Variants in GABRG3 observed in about 807,000 individuals in gnomAD.
GABRG3 encodes gamma-aminobutyric acid type A receptor subunit gamma3, also known as gamma-aminobutyric acid receptor subunit gamma-3.
GABRG3 carries 25 observed loss-of-function variants against 48.8 expected under a neutral mutation model. The observed-to-expected ratio is 0.51, with a 90% CI of 0.37 to 0.72. The LOEUF (loss-of-function observed/expected upper bound fraction) is 0.72, where lower values mean the gene tolerates loss of function less well. GABRG3 is among the 30% of genes least tolerant of loss of function. GABRG3 has a pLI of 0.00. For missense variants in GABRG3, 394 were observed against 577.9 expected (o/e 0.68, Z 3.26); for synonymous variants, 227 against 217.6 (o/e 1.04, Z -0.38).
chr15:27,074,632 A>G (rs1454539047), intron 3 of GABRG3, among the ~76,000 whole-genome samples: 1 of 150,476 alleles, frequency 6.6e-6, no homozygotes, highest in Non-Finnish European at 1.5e-5. Flanking sequence ...AATATATTCC[A>G]TAGCATTTAC....
chr15:27,063,831 C>T (rs910645937), intron 3 of GABRG3, among the ~76,000 whole-genome samples: 7 of 152,176 alleles, frequency 4.6e-5, no homozygotes, highest in Admixed American at 3.9e-4. Flanking sequence ...GAATGAGCAA[C>T]ACAAGCTGTT....
At chr15:27,251,874 C>T (rs116840327) in intron 3 of GABRG3, among the ~76,000 whole-genome samples, 240 of 152,268 alleles carry the variant, frequency 1.6e-3, no homozygotes, top group African/African-American at 5.5e-3. Flanking sequence ...CTGCCTCTGC[C>T]GCCTCTGATA....
chr15:26,993,131 A>G (rs574037099), intron 2 of GABRG3, among the ~76,000 whole-genome samples: 1 of 151,686 alleles, frequency 6.6e-6, no homozygotes, highest in Admixed American at 6.6e-5. Flanking sequence ...AGGTTTGTCA[A>G]TTTTGTTTAT....
intron 3 of GABRG3, among the ~76,000 whole-genome samples, chr15:27,316,387 CAAA>C (rs749930128): frequency 2.4e-5 from 1 of 41,662 alleles, no homozygotes; most frequent in Non-Finnish European, 5.4e-5. Context: ...GACTCCGTCT[CAAA>C]AAAAAAAAAA....
At chr15:27,461,437 C>T (rs1337700813) in intron 5 of GABRG3, among the ~76,000 whole-genome samples, 1 of 152,156 alleles carries the variant, frequency 6.6e-6, no homozygotes, top group Admixed American at 6.5e-5. Flanking sequence ...AAGAATGAAG[C>T]CTCGGACCCT....
intron 6 of GABRG3, among the ~76,000 whole-genome samples, chr15:27,515,732 A>G (rs1235842935): frequency 2.0e-5 from 3 of 152,220 alleles, no homozygotes; most frequent in African/African-American, 7.2e-5. Context: ...TGGCATGAGT[A>G]AATAATGGTT....
intron 5 of GABRG3, among the ~76,000 whole-genome samples, chr15:27,423,721 C>CTTTTTTT (rs542775399): frequency 3.9e-4 from 32 of 81,782 alleles, no homozygotes; most frequent in East Asian, 7.2e-4. Flanking sequence ...TTTTCTTTTC[C>CTTTTTTT]TTTTTTTTTT....
At chr15:27,421,151 T>G (rs1318982219) in intron 5 of GABRG3, among the ~76,000 whole-genome samples, 1 of 152,210 alleles carries the variant, frequency 6.6e-6, no homozygotes, top group Non-Finnish European at 1.5e-5. Context: ...TGCTCACCAC[T>G]GCTGAGCTGA....
At chr15:27,434,808 C>T (rs553214267) in intron 5 of GABRG3, among the ~76,000 whole-genome samples, 7 of 152,236 alleles carry the variant, frequency 4.6e-5, no homozygotes, top group East Asian at 1.9e-4. Context: ...TCTTCTTTGA[C>T]GTCTAACAGG....
At chr15:27,527,016 C>T (rs1891293994) in intron 7 of GABRG3, among the ~76,000 whole-genome samples, 1 of 152,034 alleles carries the variant, frequency 6.6e-6, no homozygotes, top group Non-Finnish European at 1.5e-5. Flanking sequence ...GGTGCTGGAG[C>T]CGGGTCTTCA....
intron 3 of GABRG3, among the ~76,000 whole-genome samples, chr15:27,046,557 C>G (rs1369033850): frequency 6.6e-6 from 1 of 152,244 alleles, no homozygotes; most frequent in African/African-American, 2.4e-5. Flanking sequence ...GTGCGCATCC[C>G]TTACTGGCTT....
chr15:27,013,325 C>G (rs1895722403), intron 2 of GABRG3, among the ~76,000 whole-genome samples: 1 of 152,028 alleles, frequency 6.6e-6, no homozygotes, highest in African/African-American at 2.4e-5. Flanking sequence ...ATTGACATTT[C>G]TGTTCCTTCT....
intron 3 of GABRG3, among the ~76,000 whole-genome samples, chr15:27,284,747 A>C (rs1488185833): frequency 6.6e-6 from 1 of 152,216 alleles, no homozygotes; most frequent in Non-Finnish European, 1.5e-5. Flanking sequence ...AGCGATCTGC[A>C]GACAGGACTG....
At chr15:27,340,034 G>A (rs1017779057) in intron 5 of GABRG3, among the ~76,000 whole-genome samples, 30 of 152,248 alleles carry the variant, frequency 2.0e-4, no homozygotes, top group African/African-American at 7.0e-4. Flanking sequence ...TCACACAGCA[G>A]CTAGCCTCTC....
rs552029433 is a variant in GABRG3, at chr15:27,352,343, T to C, written c.574+23455T>C. Among the ~76,000 whole-genome samples, 4 of 152,096 alleles carry C rather than the reference T, an allele frequency of 2.6e-5. No homozygotes were observed. The South Asian group carries it at 8.3e-4, about 32-fold the overall frequency. ...GAGAGCACGATTATCCCCCGCACAC[T>C]TCAAGGGGTGATGGGGTGGGATCTC... On this transcript the variant is annotated intron_variant, in intron 5 of 9. Transcript: ENST00000615808. The surrounding 1 kb of genome is among the most constrained non-coding windows in gnomAD (Gnocchi z 4.0).
chr15:27,371,561 G>A (rs1215777465), intron 5 of GABRG3, among the ~76,000 whole-genome samples: 3 of 152,134 alleles, frequency 2.0e-5, no homozygotes, highest in African/African-American at 4.8e-5. Context: ...CAATACAAGG[G>A]CACCATTTGT....
intron 3 of GABRG3, among the ~76,000 whole-genome samples, chr15:27,133,712 G>T (rs1317369230): frequency 6.6e-6 from 1 of 152,164 alleles, no homozygotes; most frequent in Non-Finnish European, 1.5e-5. Flanking sequence ...TAGGCAATTT[G>T]TGACAAGTTA....
chr15:27,172,071 G>A (rs557887740), intron 3 of GABRG3, among the ~76,000 whole-genome samples: 2 of 152,276 alleles, frequency 1.3e-5, no homozygotes, highest in African/African-American at 4.8e-5. Context: ...CATGATCATG[G>A]CATGAATCCA....
intron 3 of GABRG3, among the ~76,000 whole-genome samples, chr15:27,033,039 T>C (rs1041251043): frequency 6.6e-6 from 1 of 152,238 alleles, no homozygotes; most frequent in African/African-American, 2.4e-5. Context: ...TAACCTCTTA[T>C]GTTGTACAAC....
Sources: allele counts gnomAD v4.1 joint callset (sites outside exome capture counted in the v4.1 genomes callset), GRCh38; gene constraint gnomAD v4.1.1; non-coding constraint Gnocchi (gnomAD v3.1); transcripts MANE v1.5; gene names NCBI Gene and HGNC (gene_info 2026-07-23, HGNC 2026-07-21).